Variants in SH3BGRL2 observed in about 807,000 individuals in gnomAD.
The protein encoded by SH3BGRL2 is SH3 domain-binding glutamic acid-rich-like protein 2.
Under a neutral mutation model 14.8 loss-of-function variants are expected in SH3BGRL2, and 21 were observed. The observed-to-expected ratio is 1.42, with a 90% CI of 1.01 to 2.05. The LOEUF is 2.05. Ranked by LOEUF, SH3BGRL2 falls within the 30% of genes most tolerant of loss-of-function variation. The pLI, the probability that SH3BGRL2 is intolerant of heterozygous loss-of-function variation, is 0.00. For missense variants in SH3BGRL2, 147 were observed against 130.8 expected (o/e 1.12, Z -0.61); for synonymous variants, 50 against 47.8 (o/e 1.05, Z -0.19).
chr6:79,686,471 C>G (rs1356512596), intron 2 of SH3BGRL2, among the ~76,000 whole-genome samples: 2 of 152,012 alleles, frequency 1.3e-5, no homozygotes, highest in African/African-American at 4.8e-5. Context: ...GAAAGGCATT[C>G]GTAACTTTTA....
At chr6:79,556,031 C>A in the SH3BGRL2 span, among the ~76,000 whole-genome samples, 3 of 151,976 alleles carry the variant, frequency 2.0e-5, no homozygotes, top group African/African-American at 7.3e-5. Context: ...TAATCTGTAC[C>A]TCATACTATT....
At chr6:79,647,337 T>A (rs2812715) in intron 1 of SH3BGRL2, among the ~76,000 whole-genome samples, 16,065 of 151,946 alleles carry the variant, frequency 0.11, 1,313 homozygotes, top group East Asian at 0.44. Context: ...TCTTTTTTTT[T>A]AAAATCTCTT....
chr6:79,620,109 TTTCCTGCTGTG>T, the SH3BGRL2 span, among the ~76,000 whole-genome samples: 1 of 152,182 alleles, frequency 6.6e-6, no homozygotes, highest in Non-Finnish European at 1.5e-5. Context: ...GTTTTTTTTC[TTTCCTGCTGTG>T]TTCCATTTAC....
chr6:79,660,782 G>T (rs1312555660), intron 1 of SH3BGRL2, among the ~76,000 whole-genome samples: 1 of 152,038 alleles, frequency 6.6e-6, no homozygotes, highest in African/African-American at 2.4e-5. Context: ...ACTTTTTTTG[G>T]TTGATAGGCT....
At chr6:79,621,374 A>G in the SH3BGRL2 span, among the ~76,000 whole-genome samples, 1,323 of 152,282 alleles carry the variant, frequency 8.7e-3, 19 homozygotes, top group African/African-American at 0.03. Context: ...GTGCCCATAT[A>G]AAAGAGACCT....
At chr6:79,622,995 A>T in the SH3BGRL2 span, among the ~76,000 whole-genome samples, 63 of 152,308 alleles carry the variant, frequency 4.1e-4, 1 homozygote, top group East Asian at 0.012. Context: ...GGCATAAAGA[A>T]CTTAATGAGC....
At chr6:79,670,382 G>A (rs561756656) in intron 1 of SH3BGRL2, among the ~76,000 whole-genome samples, 20 of 152,264 alleles carry the variant, frequency 1.3e-4, no homozygotes, top group African/African-American at 3.6e-4. Flanking sequence ...TGCACTCTTC[G>A]TCCTTTTAGA....
intron 1 of SH3BGRL2, among the ~76,000 whole-genome samples, chr6:79,642,112 A>G (rs531346089): frequency 8.5e-5 from 13 of 152,262 alleles, no homozygotes; most frequent in African/African-American, 3.1e-4. Context: ...AGCCCTTGGT[A>G]TCTGTGGGTT....
chr6:79,593,031 G>T, the SH3BGRL2 span, among the ~76,000 whole-genome samples: 3 of 152,098 alleles, frequency 2.0e-5, no homozygotes, highest in African/African-American at 7.2e-5. Context: ...CCCTCTTGAT[G>T]GTATACTACC....
At chr6:79,626,785 G>A (rs1403189073), upstream of SH3BGRL2, among the ~76,000 whole-genome samples, 1 of 152,120 alleles carries the variant, frequency 6.6e-6, no homozygotes, top group Non-Finnish European at 1.5e-5. Context: ...TGCACAAAGT[G>A]AATATATATG....
the SH3BGRL2 span, among the ~76,000 whole-genome samples, chr6:79,559,108 A>G: frequency 0.99 from 150,381 of 152,300 alleles, 74,274 homozygotes; most frequent in East Asian, 1. Flanking sequence ...TGATTTTTCC[A>G]CTGTATAGTT....
In SH3BGRL2 at chr6:79,657,327, T is replaced by A. The variant is rs556151769; in HGVS notation, c.46-16287T>A. Among the ~76,000 whole-genome samples the A allele has an allele frequency of 1.3e-4, 20 of 152,196 alleles. No individual in the cohort carries two copies. The South Asian group carries it at 3.9e-3, about 30-fold the overall frequency. Reference sequence around the variant, plus strand: ...TGGGATAGGAAAGGGACTGTAGCAATGGGGGAAATAGGTAAGATATAAGCA... The same window carrying A: ...TGGGATAGGAAAGGGACTGTAGCAAAGGGGGAAATAGGTAAGATATAAGCA... On this transcript the variant is annotated intron_variant, in intron 1 of 3. Coordinates refer to ENST00000369838, the MANE Select transcript of SH3BGRL2 (RefSeq NM_031469.4).
intron 1 of SH3BGRL2, among the ~76,000 whole-genome samples, chr6:79,641,588 G>A (rs1769035066): frequency 6.6e-6 from 1 of 152,158 alleles, no homozygotes; most frequent in African/African-American, 2.4e-5. Flanking sequence ...GTGTAAGTGG[G>A]ATAGGAATGG....
intron 3 of SH3BGRL2, among the ~76,000 whole-genome samples, chr6:79,698,847 A>G (rs1770385090): frequency 6.6e-6 from 1 of 152,148 alleles, no homozygotes; most frequent in Admixed American, 6.5e-5. Flanking sequence ...AGGCCATTTC[A>G]CCGATACTTT....
At chr6:79,624,624 G>T in the SH3BGRL2 span, among the ~76,000 whole-genome samples, 20 of 151,910 alleles carry the variant, frequency 1.3e-4, no homozygotes, top group African/African-American at 4.6e-4. Context: ...TGCAAGAAAT[G>T]AACTGCACAC....
intron 1 of SH3BGRL2, among the ~76,000 whole-genome samples, chr6:79,633,059 T>C (rs892130405): frequency 2.0e-5 from 3 of 152,248 alleles, no homozygotes; most frequent in Admixed American, 1.3e-4. Flanking sequence ...TAGTAGGTAG[T>C]ATATTGAGAT....
At chr6:79,543,360 G>A in the SH3BGRL2 span, among the ~76,000 whole-genome samples, 2,633 of 152,202 alleles carry the variant, frequency 0.017, 76 homozygotes, top group African/African-American at 0.06. Context: ...GTAGTCACAT[G>A]CAGGTTGTAG....
At chr6:79,621,310 T>A in the SH3BGRL2 span, among the ~76,000 whole-genome samples, 1 of 152,136 alleles carries the variant, frequency 6.6e-6, no homozygotes, top group Non-Finnish European at 1.5e-5. Context: ...TGTTAAGAGG[T>A]GGGGGCTTCT....
the SH3BGRL2 span, among the ~76,000 whole-genome samples, chr6:79,588,312 G>T: frequency 6.7e-6 from 1 of 148,712 alleles, no homozygotes; most frequent in Non-Finnish European, 1.5e-5. Flanking sequence ...AAAAAACTGG[G>T]CTAGAGCAGT....
Sources: gnomAD v4.1 joint callset for allele counts (sites outside exome capture counted in the v4.1 genomes callset) on GRCh38, gnomAD v4.1.1 for gene constraint, MANE v1.5 for transcripts, NCBI Gene and HGNC (gene_info 2026-07-23, HGNC 2026-07-21) for gene names.